MCTP2: variants seen among roughly 807,000 people sequenced by gnomAD.
MCTP2 encodes multiple C2 and transmembrane domain-containing protein 2.
Under a neutral mutation model 111.6 loss-of-function variants are expected in MCTP2, and 132 were observed. That is an observed-to-expected ratio of 1.18 (90% CI 1.03 to 1.37). The LOEUF is 1.37. Among genes scored for constraint, MCTP2 ranks in the 40% most tolerant of loss-of-function variants. The pLI is 0.00. For synonymous variants in MCTP2, 395 were observed against 387.7 expected (o/e 1.02, Z -0.22); for missense variants, 1,183 against 1,067.9 (o/e 1.11, Z -1.50).
chr15:94,457,985 G>A, intron 19 of MCTP2, 152 bp from the exon 20 acceptor site: 4 of 552,078 alleles, frequency 7.2e-6, no homozygotes, highest in South Asian at 6.5e-5. Flanking sequence ...TTTCTGGGGG[G>A]GGAGTCAATA....
intron 5 of MCTP2, 72 bp downstream of exon 5, chr15:94,339,504 G>GACAT: frequency 2.3e-6 from 3 of 1,299,446 alleles, no homozygotes; most frequent in Non-Finnish European, 3.1e-6. Context: ...TGTCCTCTTA[G>GACAT]ACGTGAACTT....
chr15:94,310,573 A>G (rs1235335999), intron 2 of MCTP2, among the ~76,000 whole-genome samples: 1 of 152,102 alleles, frequency 6.6e-6, no homozygotes, highest in Non-Finnish European at 1.5e-5. Flanking sequence ...AAGATCGCTT[A>G]AGGCTAGGAG....
rs1567603403 is a variant in MCTP2, at chr15:94,390,109, T to TATATATATATATGC, written c.1788+4588_1788+4589insATATATATGCATAT. Among the ~76,000 whole-genome samples the TATATATATATATGC allele has an allele frequency of 8.9e-3, 345 of 38,730 alleles. 11 individuals are homozygous for TATATATATATATGC. Among genetic ancestry groups the TATATATATATATGC allele is most frequent in the African/African-American group, 0.02 (329 of 16,312 alleles). 25.4% of individuals were successfully genotyped at this position (38,730 alleles called of 152,430 possible). On this transcript the variant is annotated intron_variant, in intron 14 of 22. Transcript: ENST00000357742. ...ATATATGTATATATATATATATATA[T>TATATATATATATGC]ATATGTATATATATATATATATACT...
chr15:94,414,555 C>T (rs1202381746), intron 17 of MCTP2, among the ~76,000 whole-genome samples: 1 of 152,146 alleles, frequency 6.6e-6, no homozygotes, highest in Non-Finnish European at 1.5e-5. Flanking sequence ...GCAGTTGGAA[C>T]AGGACGTGTT....
intron 17 of MCTP2, among the ~76,000 whole-genome samples, chr15:94,431,013 C>T (rs537063485): frequency 5.9e-5 from 9 of 152,210 alleles, no homozygotes; most frequent in South Asian, 2.1e-4. Flanking sequence ...ATCCTTTTAC[C>T]GCCTGATATA....
chr15:94,248,069 T>A (rs2072146425), intron 1 of MCTP2, among the ~76,000 whole-genome samples: 1 of 152,038 alleles, frequency 6.6e-6, no homozygotes. Flanking sequence ...ATGTGAGGTG[T>A]GATGAGATTA....
At chr15:94,336,298 T>C (rs1315191844) in intron 4 of MCTP2, among the ~76,000 whole-genome samples, 1 of 152,188 alleles carries the variant, frequency 6.6e-6, no homozygotes, top group African/African-American at 2.4e-5. Context: ...CAGCCTCCAC[T>C]GGCACTCCAG....
At chr15:94,465,772 T>C (rs1346244237) in intron 20 of MCTP2, among the ~76,000 whole-genome samples, 1 of 148,276 alleles carries the variant, frequency 6.7e-6, no homozygotes, top group African/African-American at 2.5e-5. Context: ...TCCGTGTCTT[T>C]TTATTTCTTC....
At chr15:94,271,692 T>A (rs966128807) in intron 1 of MCTP2, among the ~76,000 whole-genome samples, 1 of 152,224 alleles carries the variant, frequency 6.6e-6, no homozygotes, top group Non-Finnish European at 1.5e-5. Context: ...ATTTTCTTTC[T>A]TGCTCTTTGG....
intron 17 of MCTP2, among the ~76,000 whole-genome samples, chr15:94,421,507 C>T (rs1308586179): frequency 2.0e-5 from 3 of 152,158 alleles, no homozygotes; most frequent in Admixed American, 6.5e-5. Flanking sequence ...GCTCTTTTTC[C>T]ATCTGGAGGA....
chr15:94,420,866 A>G (rs2152493457), intron 17 of MCTP2, among the ~76,000 whole-genome samples: 1 of 152,342 alleles, frequency 6.6e-6, no homozygotes, highest in East Asian at 1.9e-4. Context: ...AAGAAGTTCT[A>G]CTATGGGTAA....
rs569721918 is a variant in MCTP2 at position 94,379,442 on chromosome 15, C to T, written c.1583-4580C>T. ...CTGGAATGGCTCTGCTGTCCTCCCACGTCCCCCAAGCCTCTCTGAGCTAAA... is the reference window on the plus strand; with the variant it reads ...CTGGAATGGCTCTGCTGTCCTCCCATGTCCCCCAAGCCTCTCTGAGCTAAA... On this transcript the variant is annotated intron_variant, in intron 12 of 22. Transcript: ENST00000357742. 1.1e-4 allele frequency among the ~76,000 whole-genome samples: 17 copies of T among 152,160 alleles called. No individual in the cohort carries two copies. The South Asian group carries it at 2.7e-3, about 24-fold the overall frequency.
intron 7 of MCTP2, 112 bp downstream of exon 7, chr15:94,341,036 AG>A (rs775852649): frequency 7.1e-6 from 5 of 707,674 alleles, no homozygotes; most frequent in Admixed American, 2.1e-5. Context: ...CAATTATTTT[AG>A]GGGGGGTGCA....
In MCTP2 at chr15:94,454,511, C is replaced by G. The variant is rs1228332934; in HGVS notation, c.2251-3626C>G. Among the ~76,000 whole-genome samples, 3 of 152,136 alleles carry G rather than the reference C, an allele frequency of 2.0e-5. No individual in the cohort carries two copies. The East Asian group carries it at 5.8e-4, about 29-fold the overall frequency. On this transcript the variant is annotated intron_variant, in intron 19 of 22. Transcript: ENST00000357742. ...ATCAGCATGGCAGTATGCACTTTCT[C>G]TTCTTTACCCGTCATCATTTTAGGA...
At chr15:94,286,108 G>A (rs1020688005) in intron 1 of MCTP2, among the ~76,000 whole-genome samples, 1 of 152,150 alleles carries the variant, frequency 6.6e-6, no homozygotes, top group Non-Finnish European at 1.5e-5. Flanking sequence ...CAGGGAAATG[G>A]TTTGTTTATC....
At chr15:94,296,226 G>A (rs868474948) in intron 1 of MCTP2, among the ~76,000 whole-genome samples, 5 of 152,088 alleles carry the variant, frequency 3.3e-5, no homozygotes, top group Non-Finnish European at 5.9e-5. Flanking sequence ...GCCTTTTATC[G>A]TATTTGCAAG....
chr15:94,266,390 G>A (rs941031637), intron 1 of MCTP2, among the ~76,000 whole-genome samples: 1 of 152,112 alleles, frequency 6.6e-6, no homozygotes, highest in African/African-American at 2.4e-5. Flanking sequence ...TGCTTCAGAA[G>A]GTCAGGAACT....
intron 11 of MCTP2, 53 bp from the exon 12 acceptor site, chr15:94,370,034 T>C (rs2079403077): frequency 2.5e-6 from 3 of 1,194,518 alleles, no homozygotes; most frequent in Non-Finnish European, 3.6e-6. Context: ...TTTATGACAT[T>C]AAGTAGTATA....
intron 20 of MCTP2, among the ~76,000 whole-genome samples, chr15:94,463,592 C>T (rs1289434589): frequency 6.6e-6 from 1 of 152,022 alleles, no homozygotes; most frequent in East Asian, 1.9e-4. Context: ...ACTTGCTGTA[C>T]TGGCTATTAG....
Sources: gnomAD v4.1 joint callset for allele counts (sites outside exome capture counted in the v4.1 genomes callset) on GRCh38, gnomAD v4.1.1 for gene constraint, MANE v1.5 for transcripts, NCBI Gene and HGNC (gene_info 2026-07-23, HGNC 2026-07-21) for gene names.